GSE1: variants seen among roughly 807,000 people sequenced by gnomAD.
The protein encoded by GSE1 is Gse1 coiled-coil protein.
GSE1 carries 32 observed loss-of-function variants against 112.6 expected under a neutral mutation model. The ratio of observed to expected loss-of-function variants is 0.28; its 90% CI spans 0.21 to 0.38. GSE1 has a LOEUF of 0.38. Among genes scored for constraint, GSE1 ranks in the 10% least tolerant of loss-of-function variants. The pLI, the probability that GSE1 is intolerant of heterozygous loss-of-function variation, is 1.00. For missense variants in GSE1, 2,348 were observed against 1,699.2 expected (o/e 1.38, Z -6.71); for synonymous variants, 1,115 against 735.6 (o/e 1.52, Z -8.35).
rs896917793 is a variant in GSE1, at chr16:85,674,288, T to G, written c.*1749T>G. 1 of 152,260 alleles carries G rather than the reference T, an allele frequency of 6.6e-6. No individual in the cohort carries two copies. The highest frequency in any genetic ancestry group is 6.5e-5 in the Admixed American group (1 of 15,288). 9.4% of individuals were successfully genotyped at this position (152,260 alleles called of 1,614,324 possible). A position where few individuals can be genotyped will look rare whatever the true frequency, so the allele number is the denominator to read the frequency against. ...TCGCTTTATCTGCCCCCGCACAGTTTGCTTTGTACGTCTGCCAAGAATCTT... is the reference window on the plus strand; with the variant it reads ...TCGCTTTATCTGCCCCCGCACAGTTGGCTTTGTACGTCTGCCAAGAATCTT... On this transcript the variant is annotated 3_prime_UTR_variant, in exon 16 of 16. Transcript: ENST00000253458.
At chr16:85,638,864 TC>T (rs1036031751) in intron 2 of GSE1, among the ~76,000 whole-genome samples, 1 of 151,912 alleles carries the variant, frequency 6.6e-6, no homozygotes, top group Non-Finnish European at 1.5e-5. Flanking sequence ...CGCCATGGCT[TC>T]CCCCCGTCAA....
At chr16:85,191,410 A>T (rs554372382) in intron 1 of GSE1, among the ~76,000 whole-genome samples, 17 of 152,298 alleles carry the variant, frequency 1.1e-4, no homozygotes, top group Admixed American at 8.5e-4. Flanking sequence ...AATCTTAGAA[A>T]TTCACCCCTG....
intron 5 of GSE1, 113 bp from the exon 6 acceptor site, chr16:85,655,613 C>T: frequency 1.5e-6 from 1 of 656,444 alleles, no homozygotes; most frequent in Non-Finnish European, 2.6e-6. Context: ...GCCATTTTGT[C>T]ACGTTCCCCA....
intron 1 of GSE1, among the ~76,000 whole-genome samples, chr16:85,246,996 G>C (rs1032862117): frequency 6.6e-6 from 1 of 152,046 alleles, no homozygotes; most frequent in African/African-American, 2.4e-5. Flanking sequence ...CTCGGGGGTG[G>C]GGGTCCCTAG....
At chr16:85,295,826 A>G (rs2045350984) in intron 1 of GSE1, among the ~76,000 whole-genome samples, 1 of 149,246 alleles carries the variant, frequency 6.7e-6, no homozygotes, top group Admixed American at 6.7e-5. Flanking sequence ...GCTGATCTGG[A>G]ACTCCTGGGC....
chr16:85,335,826 C>T lies in GSE1; in HGVS notation c.2284-21637C>T, dbSNP rs201656942. On this transcript the variant is annotated intron_variant, in intron 1 of 2. Coordinates refer to the GSE1 transcript ENST00000637419. Reference sequence around the variant, plus strand: ...GCCTTGTCTGAGGCCTCCAAGCAGCCGGGCGCGCTGGGAGCAGGGCGGGAC... The same window carrying T: ...GCCTTGTCTGAGGCCTCCAAGCAGCTGGGCGCGCTGGGAGCAGGGCGGGAC... Among the ~76,000 whole-genome samples, 26 of 148,772 alleles carry T rather than the reference C, an allele frequency of 1.7e-4. No homozygotes were observed. In the East Asian group the frequency reaches 4.6e-3, roughly 26 times the overall value.
chr16:85,314,725 G>A (rs2045951680), intron 1 of GSE1, among the ~76,000 whole-genome samples: 1 of 152,154 alleles, frequency 6.6e-6, no homozygotes, highest in South Asian at 2.1e-4. Flanking sequence ...CCCGCAGCAG[G>A]CCCTAGGTTC....
chr16:85,420,185 G>A (rs551641266), intron 2 of GSE1, among the ~76,000 whole-genome samples: 6 of 152,172 alleles, frequency 3.9e-5, no homozygotes, highest in East Asian at 1.9e-4. Context: ...CCAGGAGTTC[G>A]AAACCAGCCT....
intron 2 of GSE1, among the ~76,000 whole-genome samples, chr16:85,438,356 C>T (rs2049300939): frequency 6.6e-6 from 1 of 152,166 alleles, no homozygotes; most frequent in Non-Finnish European, 1.5e-5. Context: ...GTGGTGGCCT[C>T]TGGGGAGGGA....
intron 1 of GSE1, among the ~76,000 whole-genome samples, chr16:85,321,643 A>G (rs776659665): frequency 2.6e-5 from 4 of 151,908 alleles, no homozygotes; most frequent in African/African-American, 4.8e-5. Context: ...TCTTAAAAAA[A>G]TTTTGTTAAT....
intron 2 of GSE1, among the ~76,000 whole-genome samples, chr16:85,471,513 G>T (rs1210364372): frequency 6.6e-6 from 1 of 151,940 alleles, no homozygotes; most frequent in Non-Finnish European, 1.5e-5. Context: ...CCCTGTCTCA[G>T]ATGATCCTCC....
chr16:85,654,889 G>C lies in GSE1; in HGVS notation c.695G>C (p.Arg232Pro), dbSNP rs371546617. Residue 232 changes from arginine to proline, a missense_variant, in exon 5 of 16, where the codon CGC becomes CCC. By Grantham distance (103) the Arg-to-Pro change is moderately radical (BLOSUM62 -2). Transcript: ENST00000253458. ...FRPYHTTDDLRMSSLPPLGLD... is the reference protein window; with the variant it reads ...FRPYHTTDDLPMSSLPPLGLD... ...CCCTACCACACCACCGACGACCTCC[G>C]CATGTCCTCACTGCCTCCCCTCGGC... 1 of 1,611,452 alleles carries C rather than the reference G, an allele frequency of 6.2e-7. No homozygotes were observed.
upstream of GSE1, chr16:85,555,346 T>C (rs1001656552): frequency 5.1e-6 from 5 of 980,828 alleles, no homozygotes; most frequent in Non-Finnish European, 6.0e-6. Context: ...TTCCACCCCC[T>C]CTCTCTGAGT....
chr16:85,637,123 A>C (rs1458102864), intron 2 of GSE1, among the ~76,000 whole-genome samples: 6 of 152,226 alleles, frequency 3.9e-5, no homozygotes, highest in Non-Finnish European at 8.8e-5. Context: ...ATCTAATTCT[A>C]GAACATTTGG....
chr16:85,600,886 T>C (rs1410770425), intron 1 of GSE1, among the ~76,000 whole-genome samples: 4 of 152,072 alleles, frequency 2.6e-5, no homozygotes, highest in African/African-American at 9.7e-5. Context: ...TCCTAGGGGC[T>C]TCTTGATTTC....
At chr16:85,229,291 C>T (rs2075542101) in intron 1 of GSE1, among the ~76,000 whole-genome samples, 1 of 152,228 alleles carries the variant, frequency 6.6e-6, no homozygotes, top group Non-Finnish European at 1.5e-5. Context: ...CCGGAGCCAG[C>T]TCTGGCCTTG....
chr16:85,262,177 A>G lies in GSE1; in HGVS notation c.2283+90370A>G, dbSNP rs549523114. On this transcript the variant is annotated intron_variant, in intron 1 of 2. Coordinates refer to the GSE1 transcript ENST00000637419. The stretch of plus-strand genomic sequence containing the variant: ...AAGAATGACTTCTTTCTGAAAACTG[A>G]CGATGACAAATTATTTATTTAATGG... Among the ~76,000 whole-genome samples, 5 of 152,316 alleles carry G rather than the reference A, an allele frequency of 3.3e-5. No individual in the cohort carries two copies. In the East Asian group the frequency reaches 9.6e-4, roughly 29 times the overall value.
chr16:85,625,326 C>G (rs116586817), intron 1 of GSE1, among the ~76,000 whole-genome samples: 1 of 152,218 alleles, frequency 6.6e-6, no homozygotes, highest in Non-Finnish European at 1.5e-5. Context: ...CGGGAACCTC[C>G]GGGACCAGTC....
rs1430850530 is a variant in GSE1, at chr16:85,331,657, GTA to G, written c.2284-25802_2284-25801del. On this transcript the variant is annotated intron_variant, in intron 1 of 2. Transcript: ENST00000637419. ...TATATATGTGTGTATATATATATGT[GTA>G]TATGTGTGTGTGTGTGTGTGTGTGT... Among the ~76,000 whole-genome samples, 91 of 96,894 alleles carry G rather than the reference GTA, an allele frequency of 9.4e-4. 6 individuals are homozygous for G. The highest frequency in any genetic ancestry group is 7.4e-3 in the South Asian group (20 of 2,718). 63.6% of individuals were successfully genotyped at this position (96,894 alleles called of 152,430 possible). A position where few individuals can be genotyped will look rare whatever the true frequency, so the allele number is the denominator to read the frequency against.
Sources: allele counts gnomAD v4.1 joint callset (sites outside exome capture counted in the v4.1 genomes callset), GRCh38; gene constraint gnomAD v4.1.1; transcripts MANE v1.5; gene names NCBI Gene and HGNC (gene_info 2026-07-23, HGNC 2026-07-21).